Variants in AKAP14 observed in about 807,000 individuals in gnomAD.
The protein encoded by AKAP14 is A-kinase anchor protein 14.
A neutral mutation model predicts 17.0 loss-of-function variants in AKAP14; 4 were observed. The observed-to-expected ratio is 0.23, with a 90% CI of 0.12 to 0.54. AKAP14 has a LOEUF of 0.54. AKAP14 is among the 20% of genes least tolerant of loss of function. The pLI is 0.95. For synonymous variants in AKAP14, 42 were observed against 51.3 expected, an observed-to-expected ratio of 0.82 and a Z score of 0.77; for missense variants, 129 against 150.9, an observed-to-expected ratio of 0.85 and a Z score of 0.76.
At chrX:119,910,712 G>A (rs938163888) in intron 4 of AKAP14, among the ~76,000 whole-genome samples, 3 of 110,832 alleles carry the variant, frequency 2.7e-5, no homozygotes, top group Non-Finnish European at 3.8e-5. Flanking sequence ...GCCCAGGCTG[G>A]TGTGCAATGG....
At chrX:119,896,478 G>GAGGGA (rs2056528459) in intron 2 of AKAP14, among the ~76,000 whole-genome samples, 2 of 98,549 alleles carry the variant, frequency 2.0e-5, no homozygotes, top group African/African-American at 7.4e-5. Context: ...GAGCGGAGGG[G>GAGGGA]AGGGGAGAGG....
chrX:119,915,802 G>A (rs909247230), intron 5 of AKAP14, among the ~76,000 whole-genome samples: 3 of 106,861 alleles, frequency 2.8e-5, no homozygotes, highest in African/African-American at 7.0e-5. Context: ...CACCGTGCCC[G>A]GCCCCCCCAA....
At chrX:119,915,800 C>T (rs1428231192) in intron 5 of AKAP14, among the ~76,000 whole-genome samples, 1 of 107,935 alleles carries the variant, frequency 9.3e-6, no homozygotes, top group Non-Finnish European at 1.9e-5. Context: ...GCCACCGTGC[C>T]CGGCCCCCCC....
At chrX:119,906,654 C>T (rs1205310855) in intron 4 of AKAP14, among the ~76,000 whole-genome samples, 2 of 110,764 alleles carry the variant, frequency 1.8e-5, no homozygotes, top group Non-Finnish European at 3.8e-5. Flanking sequence ...TTGCCTCAGC[C>T]TCCCGAGTAG....
At chrX:119,919,139 G>A (rs1282839876) in intron 5 of AKAP14, among the ~76,000 whole-genome samples, 2 of 112,036 alleles carry the variant, frequency 1.8e-5, no homozygotes, top group African/African-American at 6.5e-5. Context: ...TGGGAGAATG[G>A]CTCTTGCTCA....
rs191838163 is a variant in AKAP14 at position 119,905,292 on chromosome X, G to A, written c.261+1706G>A. Among the ~76,000 whole-genome samples the A allele has an allele frequency of 3.1e-4, 35 of 111,899 alleles. 1 individual carries two copies. Among genetic ancestry groups the A allele is most frequent in the Admixed American group, 2.7e-3 (28 of 10,483 alleles). On this transcript the variant is annotated intron_variant, in intron 4 of 6. Coordinates refer to ENST00000371431, the MANE Select transcript of AKAP14 (RefSeq NM_178813.6). ...CCACGCCTTCTATGCTCCAGCGGAC[G>A]CCACTCACCGTTCTCATTAGGAGGG...
At chrX:119,904,109 A>AT (rs1206601061) in intron 4 of AKAP14, among the ~76,000 whole-genome samples, 1,339 of 109,222 alleles carry the variant, frequency 0.012, 17 homozygotes, top group Non-Finnish European at 0.019. Flanking sequence ...CTAATTTTTA[A>AT]TTTTTTTTTG....
intron 5 of AKAP14, among the ~76,000 whole-genome samples, chrX:119,915,494 T>C (rs1267704848): frequency 1.1e-5 from 1 of 94,210 alleles, no homozygotes; most frequent in Admixed American, 1.2e-4. Flanking sequence ...TTCAAAAATA[T>C]ATCCAGAATC....
chrX:119,899,374 AT>A (rs1285525196), intron 2 of AKAP14, among the ~76,000 whole-genome samples: 29 of 110,843 alleles, frequency 2.6e-4, no homozygotes, highest in African/African-American at 9.2e-4. Context: ...AACTGTTGGC[AT>A]ATTAAAATGA....
In AKAP14 at chrX:119,903,069, C is replaced by T. The variant is rs1234455825; in HGVS notation, c.-10-145C>T. ...CAGCAGCCAGGCACAGGTCTGACTC[C>T]TACCCTTAAACCCCTAATCCCCTCC... is the stretch of plus-strand genomic sequence containing the variant. On this transcript the variant is annotated intron_variant, in intron 2 of 6. Transcript: ENST00000371431. 3 of 529,285 alleles carry T rather than the reference C, an allele frequency of 5.7e-6. No homozygotes were observed. The African/African-American group carries it at 7.0e-5, about 12-fold the overall frequency. The allele number at this position is 529,285 out of a possible 1,213,427, so 43.6% of individuals were successfully genotyped here. A position where few individuals can be genotyped will look rare whatever the true frequency, so the allele number is the denominator to read the frequency against.
intron 4 of AKAP14, among the ~76,000 whole-genome samples, chrX:119,913,562 G>T (rs1350031173): frequency 8.9e-6 from 1 of 112,227 alleles, no homozygotes; most frequent in Non-Finnish European, 1.9e-5. Flanking sequence ...GAACACTTGA[G>T]CTCAGGAGTT....
intron 2 of AKAP14, among the ~76,000 whole-genome samples, chrX:119,899,483 G>T (rs922208857): frequency 1.8e-5 from 2 of 111,747 alleles, no homozygotes; most frequent in Admixed American, 1.9e-4. Context: ...GCTAGTAACA[G>T]TGGGCCTAAA....
At chrX:119,908,024 G>A (rs1042963506) in intron 4 of AKAP14, among the ~76,000 whole-genome samples, 20 of 111,650 alleles carry the variant, frequency 1.8e-4, no homozygotes, top group African/African-American at 5.5e-4. Context: ...GGTGGCTCAC[G>A]CCTGTAATCC....
intron 4 of AKAP14, among the ~76,000 whole-genome samples, chrX:119,913,147 T>TAAATAAATA (rs1556400076): frequency 1.6e-3 from 171 of 105,281 alleles, no homozygotes; most frequent in African/African-American, 4.6e-3. Context: ...AATAAATAAA[T>TAAATAAATA]AAATAAAATA....
At chrX:119,901,933 T>C (rs773849675) in intron 2 of AKAP14, among the ~76,000 whole-genome samples, 183 of 103,639 alleles carry the variant, frequency 1.8e-3, no homozygotes, top group Non-Finnish European at 2.9e-3. Context: ...CACTTGAACC[T>C]GGATTCTCCC....
At position 119,919,931 on chromosome X, in the gene AKAP14, T is replaced by C. The variant is rs775043133; in HGVS notation, c.462T>C (p.Ser154=). 2.5e-6 allele frequency: 3 copies of C among 1,209,015 alleles called. No individual in the cohort carries two copies. Residue 154 remains serine (S), a synonymous_variant, in exon 6 of 7, where the codon TCT becomes TCC. Coordinates refer to ENST00000371431, the MANE Select transcript of AKAP14 (RefSeq NM_178813.6). ...TTTAGGATGCACCCATTGTTGTTTC[T>C]TATGTAGGTGACCACCAAGCATTAG... The part of the protein sequence containing the change: ...TKPPDAPIVV[S]YVGDHQALVH...
rs2056683494 is a variant in AKAP14, at chrX:119,920,528, G to A, written c.515G>A (p.Arg172Gln). 3 of 1,208,516 alleles carry A rather than the reference G, an allele frequency of 2.5e-6. No individual in the cohort carries two copies. The highest frequency in any genetic ancestry group is 3.4e-6 in the Non-Finnish European group (3 of 893,369). Residue 172 changes from arginine to glutamine, a missense_variant, in exon 7 of 7, where the codon CGA becomes CAA. Transcript: ENST00000371431. ...TGTAGACCAGGAATGGTTCGCTTTC[G>A]AGAAAACTGGCAGAAGAATCTTACT... is the stretch of plus-strand genomic sequence containing the variant. ...LVHRPGMVRF[R>Q]ENWQKNLTDA...
chrX:119,906,359 C>T (rs148451254), intron 4 of AKAP14, among the ~76,000 whole-genome samples: 446 of 106,345 alleles, frequency 4.2e-3, no homozygotes, highest in African/African-American at 0.015. Context: ...CTCAGCCTCC[C>T]GAGTAGCTGG....
At chrX:119,903,691 T>A (rs1046291780) in intron 4 of AKAP14, 105 bp downstream of exon 4, 32 of 1,151,692 alleles carry the variant, frequency 2.8e-5, no homozygotes, top group Non-Finnish European at 3.7e-5. Context: ...GGAGATGGTA[T>A]CAAAGGGGGC....
Sources: allele counts gnomAD v4.1 joint callset (sites outside exome capture counted in the v4.1 genomes callset), GRCh38; gene constraint gnomAD v4.1.1; transcripts MANE v1.5; gene names NCBI Gene and HGNC (gene_info 2026-07-23, HGNC 2026-07-21).